GOLGB1: variants seen among roughly 807,000 people sequenced by gnomAD.
GOLGB1 encodes golgin subfamily B member 1.
In GOLGB1, 174 loss-of-function variants were observed where a neutral mutation model predicts 336.9. That is an observed-to-expected ratio of 0.52 (90% CI 0.46 to 0.59). GOLGB1 has a LOEUF of 0.59. GOLGB1 is among the 20% of genes least tolerant of loss of function. GOLGB1 has a pLI of 0.00. For missense variants in GOLGB1, 3,331 were observed against 3,645.3 expected (o/e 0.91, Z 2.22); for synonymous variants, 1,208 against 1,289.2 (o/e 0.94, Z 1.35).
At position 121,677,343 on chromosome 3, in the gene GOLGB1, C is replaced by T. The variant is rs1345797526; in HGVS notation, c.8981G>A (p.Arg2994Lys). 5 of 1,611,552 alleles carry T rather than the reference C, an allele frequency of 3.1e-6. No homozygotes were observed. The South Asian group carries it at 5.5e-5, about 18-fold the overall frequency. ...CTGGGAGGAAGAAGACCTCAATTCC[C>T]TTATAAGATTCTGCAGATGACTGAG... is the stretch of plus-strand genomic sequence containing the variant. Reference protein sequence around the residue: ...QQLSHLQNLIRELRSSSSQTQ... With the variant: ...QQLSHLQNLIKELRSSSSQTQ... The change falls in exon 16 of 22, where the codon AGG (arginine) becomes AAG (lysine). Residue 2994 changes from arginine (R) to lysine (K), a missense_variant. Transcript: ENST00000614479.
chr3:121,671,285 T>C (rs142124419), intron 17 of GOLGB1, among the ~76,000 whole-genome samples: 41 of 152,354 alleles, frequency 2.7e-4, no homozygotes, highest in African/African-American at 9.4e-4. Context: ...ATCCATCTCA[T>C]GTTTTTAAGT....
At chr3:121,745,129 G>C (rs558093633) in intron 1 of GOLGB1, among the ~76,000 whole-genome samples, 1 of 152,288 alleles carries the variant, frequency 6.6e-6, no homozygotes, top group Non-Finnish European at 1.5e-5. Flanking sequence ...AAGAAAGCCA[G>C]TAAGTAGCCA....
At chr3:121,728,987 C>T in intron 4 of GOLGB1, 3 of 389,950 alleles carry the variant, frequency 7.7e-6, no homozygotes, top group Non-Finnish European at 1.4e-5. Context: ...ATTTCATATC[C>T]ATGTTTTCTG....
At position 121,697,500 on chromosome 3, in the gene GOLGB1, T is replaced by C; in HGVS notation, c.3023A>G (p.Lys1008Arg). The C allele has an allele frequency of 6.2e-7, 1 of 1,611,868 alleles. No homozygotes were observed. Among genetic ancestry groups the C allele is most frequent in the African/African-American group, 1.3e-5 (1 of 74,744 alleles). The change falls in exon 13 of 22, where the codon AAG becomes AGG. Residue 1008 changes from lysine to arginine, a missense_variant. Coordinates refer to ENST00000614479, the MANE Select transcript of GOLGB1 (RefSeq NM_001366282.2). ...RKLQAALINR[K>R]ELLQRVSRLE... ...TCTACTGACTCTTTGCAGAAGCTCC[T>C]TTCTGTTAATAAGAGCTGCCTGGAG...
chr3:121,684,738 A>G (rs1941537627), intron 14 of GOLGB1, among the ~76,000 whole-genome samples: 1 of 152,256 alleles, frequency 6.6e-6, no homozygotes, highest in Non-Finnish European at 1.5e-5. Flanking sequence ...GACATTTTCA[A>G]TAAATTTACC....
rs1938397936 is a variant in GOLGB1 at position 121,664,969 on chromosome 3, T to C, written c.9617A>G (p.Glu3206Gly). ...TGTAAGATCTATTAACAGTGCCTGCTCCTGAGTGCCACAGGAGCCAATGAT... is the reference window on the plus strand; with the variant it reads ...TGTAAGATCTATTAACAGTGCCTGCCCCTGAGTGCCACAGGAGCCAATGAT... ...TPIIGSCGTQ[E>G]QALLIDLTSN... Residue 3206 changes from glutamate (E) to glycine (G), a missense_variant, in exon 21 of 22, where the codon GAG becomes GGG. Physicochemically the swap from Glu to Gly is moderately conservative, Grantham distance 98. Transcript: ENST00000614479. 6.2e-7 allele frequency: 1 copy of C among 1,611,168 alleles called. No homozygotes were observed. The highest frequency in any genetic ancestry group is 8.5e-7 in the Non-Finnish European group (1 of 1,177,314).
chr3:121,684,384 G>A (rs1282994478), intron 14 of GOLGB1, among the ~76,000 whole-genome samples: 2 of 151,142 alleles, frequency 1.3e-5, no homozygotes, highest in Non-Finnish European at 2.9e-5. Context: ...AAGGATAGAG[G>A]AAAATGGTAA....
chr3:121,688,857 G>A (rs1306290580), intron 14 of GOLGB1, among the ~76,000 whole-genome samples: 1 of 148,288 alleles, frequency 6.7e-6, no homozygotes, highest in African/African-American at 2.5e-5. Flanking sequence ...GGGAGGTGAG[G>A]AGCATCTCTG....
chr3:121,677,523 T>C, intron 15 of GOLGB1, 73 bp from the exon 16 acceptor site: 1 of 966,366 alleles, frequency 1.0e-6, no homozygotes. Flanking sequence ...ACCTGTAACC[T>C]CAGCACTTTG....
intron 1 of GOLGB1, 124 bp from the exon 2 acceptor site, chr3:121,731,097 CA>C: frequency 1.1e-6 from 1 of 906,860 alleles, no homozygotes; most frequent in South Asian, 1.7e-5. Context: ...TTGTATTAGA[CA>C]CAGTCTGCAG....
chr3:121,714,338 A>T (rs1291489521), intron 10 of GOLGB1, among the ~76,000 whole-genome samples: 1 of 152,228 alleles, frequency 6.6e-6, no homozygotes, highest in Non-Finnish European at 1.5e-5. Context: ...CGATGATTAC[A>T]ATCTAGCTCT....
At position 121,691,055 on chromosome 3, in the gene GOLGB1, A is replaced by G. The variant is rs371463845; in HGVS notation, c.8309T>C (p.Leu2770Pro). ...TTCTTTCAACTGTGCCAATTCCTTC[A>G]GACTGGCATCATATTTCCTTTTCAG... ...DELKRKYDAS[L>P]KELAQLKEQG... The change falls in exon 14 of 22, where the codon CTG becomes CCG. Residue 2770 changes from leucine to proline, a missense_variant. Leu to Pro is a moderately conservative substitution (Grantham distance 98). Coordinates refer to ENST00000614479, the MANE Select transcript of GOLGB1 (RefSeq NM_001366282.2). 4.3e-5 allele frequency: 70 copies of G among 1,613,506 alleles called. No homozygotes were observed. Among genetic ancestry groups the G allele is most frequent in the Non-Finnish European group, 5.8e-5 (68 of 1,179,602 alleles).
rs544307014 is a variant in GOLGB1 at position 121,747,526 on chromosome 3, C to CTATTTTTA, written c.-3+2098_-3+2105dup. Among the ~76,000 whole-genome samples the CTATTTTTA allele has an allele frequency of 1.7e-3, 251 of 150,900 alleles. 1 individual carries two copies. The highest frequency in any genetic ancestry group is 2.9e-3 in the Admixed American group (44 of 15,148). On this transcript the variant is annotated intron_variant, in intron 1 of 21. Coordinates refer to ENST00000614479, the MANE Select transcript of GOLGB1 (RefSeq NM_001366282.2). ...TCCATCAATGGGGACAGGCTAAATA[C>CTATTTTTA]TATTTTTATATTTTTACAAAGGACT...
chr3:121,705,089 C>T (rs996699200), intron 10 of GOLGB1, among the ~76,000 whole-genome samples: 3 of 151,954 alleles, frequency 2.0e-5, no homozygotes, highest in African/African-American at 7.3e-5. Context: ...ATTTTAAGCA[C>T]AAATATTAAA....
chr3:121,717,396 G>A (rs983796197), intron 8 of GOLGB1, among the ~76,000 whole-genome samples: 3 of 152,130 alleles, frequency 2.0e-5, no homozygotes, highest in African/African-American at 7.2e-5. Flanking sequence ...GAGACTACTT[G>A]GATGTGACAG....
At chr3:121,719,816 T>C in intron 6 of GOLGB1, 48 bp from the exon 7 acceptor site, 3 of 1,496,812 alleles carry the variant, frequency 2.0e-6, no homozygotes, top group Non-Finnish European at 2.7e-6. Context: ...TCCCCGAATA[T>C]TGCACAAATA....
intron 18 of GOLGB1, 64 bp downstream of exon 18, chr3:121,669,148 T>G: frequency 6.5e-7 from 1 of 1,534,496 alleles, no homozygotes; most frequent in Non-Finnish European, 9.0e-7. Flanking sequence ...TGCTCTGTAG[T>G]GCTTCACCAC....
At chr3:121,733,721 A>G (rs1416326976) in intron 1 of GOLGB1, among the ~76,000 whole-genome samples, 1 of 152,228 alleles carries the variant, frequency 6.6e-6, no homozygotes, top group East Asian at 1.9e-4. Context: ...GATAAATGGA[A>G]CAAAATGGAG....
At chr3:121,669,629 A>C (rs764707882) in intron 17 of GOLGB1, among the ~76,000 whole-genome samples, 2 of 152,128 alleles carry the variant, frequency 1.3e-5, no homozygotes, top group Non-Finnish European at 2.9e-5. Flanking sequence ...AAAAACCATG[A>C]AGCAGAAGTC....
Sources: gnomAD v4.1 joint callset for allele counts (sites outside exome capture counted in the v4.1 genomes callset) on GRCh38, gnomAD v4.1.1 for gene constraint, MANE v1.5 for transcripts, NCBI Gene and HGNC (gene_info 2026-07-23, HGNC 2026-07-21) for gene names.